The following ENTREP2 variants were observed in gnomAD, a reference collection of about 807,000 sequenced individuals.
ENTREP2 encodes endosomal transmembrane epsin interactor 2.
the ENTREP2 span, among the ~76,000 whole-genome samples, chr15:29,342,785 C>T: frequency 6.6e-6 from 1 of 152,054 alleles, no homozygotes; most frequent in Non-Finnish European, 1.5e-5. Flanking sequence ...GCTCTCTGAC[C>T]CCGCCCATTT....
At chr15:29,305,548 C>A in the ENTREP2 span, among the ~76,000 whole-genome samples, 1 of 152,106 alleles carries the variant, frequency 6.6e-6, no homozygotes, top group South Asian at 2.1e-4. Flanking sequence ...GCAGAGCTAA[C>A]AGGTCTTGTT....
At chr15:29,365,289 G>A in the ENTREP2 span, among the ~76,000 whole-genome samples, 3 of 140,812 alleles carry the variant, frequency 2.1e-5, no homozygotes, top group African/African-American at 8.2e-5. Flanking sequence ...GTCTTGCTCT[G>A]TTGCCCAGGC....
chr15:29,573,307 A>G, the ENTREP2 span, among the ~76,000 whole-genome samples: 1 of 152,214 alleles, frequency 6.6e-6, no homozygotes, highest in Non-Finnish European at 1.5e-5. Flanking sequence ...TCACATTTCT[A>G]TCAATGAAAA....
the ENTREP2 span, among the ~76,000 whole-genome samples, chr15:29,278,843 C>T: frequency 6.6e-6 from 1 of 152,222 alleles, no homozygotes; most frequent in Non-Finnish European, 1.5e-5. Flanking sequence ...CAGCAGAATA[C>T]CACAGACTTG....
the ENTREP2 span, chr15:29,137,111 G>A: frequency 6.1e-6 from 9 of 1,470,586 alleles, no homozygotes; most frequent in Admixed American, 3.1e-5. Flanking sequence ...GGATGAACTC[G>A]TCGAAATCCA....
chr15:29,408,427 A>AT, the ENTREP2 span, among the ~76,000 whole-genome samples: 7 of 61,402 alleles, frequency 1.1e-4, no homozygotes, highest in African/African-American at 3.9e-4. Flanking sequence ...AAAAGGAGGA[A>AT]CGCCCTGGTG....
At chr15:29,523,646 A>C in the ENTREP2 span, among the ~76,000 whole-genome samples, 2 of 147,612 alleles carry the variant, frequency 1.4e-5, no homozygotes, top group Non-Finnish European at 3.0e-5. Context: ...GATCCAGAAT[A>C]GCCAAAACAA....
At chr15:29,196,695 A>T in the ENTREP2 span, 1 of 945,208 alleles carries the variant, frequency 1.1e-6, no homozygotes. Context: ...GTGTTTAAGT[A>T]GTACAGCAAA....
chr15:29,385,960 G>C, the ENTREP2 span, among the ~76,000 whole-genome samples: 2 of 151,600 alleles, frequency 1.3e-5, no homozygotes, highest in Non-Finnish European at 2.9e-5. Context: ...ACTGACGGCG[G>C]GATGACACAG....
chr15:29,537,268 C>T, the ENTREP2 span, among the ~76,000 whole-genome samples: 4 of 152,246 alleles, frequency 2.6e-5, no homozygotes, highest in East Asian at 3.9e-4. Context: ...GTCCACGCAC[C>T]GCTTTAACCA....
chr15:29,495,139 C>T, the ENTREP2 span, among the ~76,000 whole-genome samples: 1 of 152,184 alleles, frequency 6.6e-6, no homozygotes, highest in Non-Finnish European at 1.5e-5. Flanking sequence ...AATGGCAGTA[C>T]CAATTTACAT....
chr15:29,627,358 C>A, the ENTREP2 span, among the ~76,000 whole-genome samples: 2 of 152,036 alleles, frequency 1.3e-5, no homozygotes, highest in East Asian at 3.9e-4. Context: ...TCCTGGGCAA[C>A]ATGGTGAAAC....
the ENTREP2 span, among the ~76,000 whole-genome samples, chr15:29,392,241 C>T: frequency 6.6e-6 from 1 of 152,090 alleles, no homozygotes; most frequent in Non-Finnish European, 1.5e-5. Flanking sequence ...GGATTACAGG[C>T]GTGAGCCACT....
At chr15:29,378,726 T>C in the ENTREP2 span, among the ~76,000 whole-genome samples, 1 of 152,204 alleles carries the variant, frequency 6.6e-6, no homozygotes, top group African/African-American at 2.4e-5. Context: ...TTAAAATAAA[T>C]AAATCTGTCT....
chr15:29,530,934 G>A, the ENTREP2 span, among the ~76,000 whole-genome samples: 17 of 152,088 alleles, frequency 1.1e-4, no homozygotes, highest in Admixed American at 3.9e-4. Flanking sequence ...CCTTGATCTC[G>A]ATCCAGTTAG....
chr15:29,622,642 G>T, the ENTREP2 span, among the ~76,000 whole-genome samples: 2 of 152,182 alleles, frequency 1.3e-5, no homozygotes, highest in African/African-American at 2.4e-5. Flanking sequence ...GTCCTCTTTG[G>T]TCAACTGGAG....
chr15:29,481,275 A>C, the ENTREP2 span, among the ~76,000 whole-genome samples: 50 of 152,178 alleles, frequency 3.3e-4, no homozygotes, highest in Non-Finnish European at 7.1e-4. Flanking sequence ...TGCCGTTAAA[A>C]TGCAGATCCT....
chr15:29,517,448 A>C, the ENTREP2 span, among the ~76,000 whole-genome samples: 1 of 152,176 alleles, frequency 6.6e-6, no homozygotes, highest in Non-Finnish European at 1.5e-5. Flanking sequence ...GTTAACCCCT[A>C]CATTATACCG....
chr15:29,161,612 T>C, the ENTREP2 span, among the ~76,000 whole-genome samples: 1 of 152,226 alleles, frequency 6.6e-6, no homozygotes, highest in Non-Finnish European at 1.5e-5. Flanking sequence ...AGACCAAGTC[T>C]TTTGCTACTC....
Sources: gnomAD v4.1 joint callset for allele counts (sites outside exome capture counted in the v4.1 genomes callset) on GRCh38, gnomAD v4.1.1 for gene constraint, MANE v1.5 for transcripts, NCBI Gene and HGNC (gene_info 2026-07-23, HGNC 2026-07-21) for gene names.